Variants in PCDHGC5 observed in about 807,000 individuals in gnomAD.
PCDHGC5 encodes protocadherin gamma-C5.
Under a neutral mutation model 59.0 loss-of-function variants are expected in PCDHGC5, and 25 were observed. The ratio of observed to expected loss-of-function variants is 0.42; its 90% CI spans 0.31 to 0.59. The LOEUF (loss-of-function observed/expected upper bound fraction) is 0.59. Among genes scored for constraint, PCDHGC5 ranks in the 20% least tolerant of loss-of-function variants. PCDHGC5 has a pLI of 0.13. For synonymous variants in PCDHGC5, 434 were observed against 505.5 expected, an observed-to-expected ratio of 0.86 and a Z score of 1.90; for missense variants, 1,067 against 1,206.4, an observed-to-expected ratio of 0.88 and a Z score of 1.71.
intron 2 of PCDHGC5, among the ~76,000 whole-genome samples, chr5:141,497,553 T>G (rs2099777684): frequency 6.6e-6 from 1 of 151,326 alleles, no homozygotes; most frequent in Non-Finnish European, 1.5e-5. Flanking sequence ...TTTTTTTTTT[T>G]TTTTTAGACA....
intron 2 of PCDHGC5, among the ~76,000 whole-genome samples, chr5:141,497,905 C>T (rs1052659134): frequency 6.6e-6 from 1 of 152,178 alleles, no homozygotes; most frequent in Non-Finnish European, 1.5e-5. Context: ...GTAACTTCAA[C>T]TTCTCTCCTT....
intron 2 of PCDHGC5, among the ~76,000 whole-genome samples, chr5:141,504,579 G>T (rs994771989): frequency 2.0e-5 from 3 of 149,174 alleles, no homozygotes; most frequent in Non-Finnish European, 4.4e-5. Context: ...AACACCATCT[G>T]CCCAGGATTC....
chr5:141,489,793 C>G lies in PCDHGC5; in HGVS notation c.553C>G (p.Leu185Val). The change falls in exon 1 of 4, where the codon CTA (leucine) becomes GTA (valine). Residue 185 changes from leucine to valine, a missense_variant. Physicochemically the swap from Leu to Val is conservative, Grantham distance 32 (BLOSUM62 1). Transcript: ENST00000252087. This position sits in a 1 kb window ranked among gnomAD's most constrained non-coding sequence, Gnocchi z 4.5. ...CCACTTCTCTCTGAATGTGAAGACC[C>G]TAAAAGATGGGAAGCCATTCCCAGA... ...NSHFSLNVKT[L>V]KDGKPFPELV... 1 of 1,614,160 alleles carries G rather than the reference C, an allele frequency of 6.2e-7. No individual in the cohort carries two copies. The highest frequency in any genetic ancestry group is 1.1e-5 in the South Asian group (1 of 91,078).
rs1458508114 is a variant in PCDHGC5, at chr5:141,489,523, C to T, written c.283C>T (p.Leu95=). ...AVNQKIDRES[L]CGASTSCLLP... is the part of the protein sequence containing the mutation. ...GAATCAAAAGATTGACCGAGAAAGC[C>T]TATGTGGAGCCAGCACCAGCTGCCT... Residue 95 remains leucine (L), a synonymous_variant, in exon 1 of 4, where the codon CTA becomes TTA. Transcript: ENST00000252087. This position sits in a 1 kb window ranked among gnomAD's most constrained non-coding sequence, Gnocchi z 4.5. The T allele has an allele frequency of 3.5e-5, 56 of 1,614,006 alleles. No homozygotes were observed. The highest frequency in any genetic ancestry group is 4.5e-5 in the Non-Finnish European group (53 of 1,180,044).
At chr5:141,506,962 G>A (rs2099857578) in intron 3 of PCDHGC5, 1 of 152,196 alleles carries the variant, frequency 6.6e-6, no homozygotes, top group Non-Finnish European at 1.5e-5. Context: ...CCTCTCAATA[G>A]CTCTGCAAGG....
rs138542775 is a variant in PCDHGC5, at chr5:141,491,313, C to T, written c.2073C>T (p.Thr691=). The part of the protein sequence containing the change: ...LIHPPERSDL[T]LYLIVALATV... ...ACCCTCCTGAGCGTTCAGACCTTAC[C>T]CTTTACCTCATTGTGGCTCTAGCGA... Residue 691 remains threonine, a synonymous_variant, in exon 1 of 4, where the codon ACC becomes ACT. Transcript: ENST00000252087. This position sits in a 1 kb window ranked among gnomAD's most constrained non-coding sequence, Gnocchi z 6.9. 405 of 1,614,154 alleles carry T rather than the reference C, an allele frequency of 2.5e-4. 2 individuals are homozygous for T. In the African/African-American group the frequency reaches 4.5e-3, roughly 18 times the overall value.
rs771608897 is a variant in PCDHGC5, at chr5:141,490,857, C to T, written c.1617C>T (p.Ser539=). 58 of 1,613,714 alleles carry T rather than the reference C, an allele frequency of 3.6e-5. 1 individual carries two copies. The highest frequency in any genetic ancestry group is 1.8e-4 in the Admixed American group (11 of 59,992). Reference sequence around the variant, plus strand: ...AGATTGTGGTGGGGGTTCGAGACTCCGGCTCTCCCCCATTGCATGCCAACA... The same window carrying T: ...AGATTGTGGTGGGGGTTCGAGACTCTGGCTCTCCCCCATTGCATGCCAACA... ...MLQIVVGVRD[S]GSPPLHANTS... is the part of the protein sequence containing the mutation. Residue 539 remains serine (S), a synonymous_variant, in exon 1 of 4, where the codon TCC becomes TCT. Transcript: ENST00000252087. The surrounding 1 kb of genome is among the most constrained non-coding windows in gnomAD (Gnocchi z 5.4).
At position 141,490,148 on chromosome 5, in the gene PCDHGC5, A is replaced by G. The variant is rs2154582223; in HGVS notation, c.908A>G (p.His303Arg). The G allele has an allele frequency of 1.2e-6, 2 of 1,614,232 alleles. No homozygotes were observed. The highest frequency in any genetic ancestry group is 4.5e-5 in the East Asian group (2 of 44,888). The change falls in exon 1 of 4, where the codon CAT becomes CGT. Residue 303 changes from histidine to arginine, a missense_variant. Coordinates refer to ENST00000252087, the MANE Select transcript of PCDHGC5 (RefSeq NM_018929.3). The surrounding 1 kb of genome is among the most constrained non-coding windows in gnomAD (Gnocchi z 5.4). The stretch of plus-strand genomic sequence containing the variant: ...CTAGACCCTAGCAGTGGGGCAATCC[A>G]TGTGTTGGGTCCCATAGACTTTGAG... ...FGLDPSSGAI[H>R]VLGPIDFEES...
At chr5:141,499,323 GCTCT>G (rs1259902316) in intron 2 of PCDHGC5, among the ~76,000 whole-genome samples, 1 of 152,046 alleles carries the variant, frequency 6.6e-6, no homozygotes, top group East Asian at 1.9e-4. Context: ...CAGTATCCCT[GCTCT>G]CTCTCAGTTT....
intron 1 of PCDHGC5, chr5:141,492,036 T>A: frequency 1.9e-6 from 1 of 536,866 alleles, no homozygotes; most frequent in Non-Finnish European, 3.2e-6. Flanking sequence ...GAGGAGGCAG[T>A]CACAGATCCA....
In PCDHGC5 at chr5:141,489,423, C is replaced by A. The variant is rs754178145; in HGVS notation, c.183C>A (p.Ser61Arg). 7.4e-6 allele frequency: 12 copies of A among 1,613,982 alleles called. No homozygotes were observed. Among genetic ancestry groups the A allele is most frequent in the Non-Finnish European group, 1.0e-5 (12 of 1,180,044 alleles). Residue 61 changes from serine to arginine, a missense_variant, in exon 1 of 4, where the codon AGC becomes AGA. Physicochemically the swap from Ser to Arg is moderately radical, Grantham distance 110. Transcript: ENST00000252087. The surrounding 1 kb of genome is among the most constrained non-coding windows in gnomAD (Gnocchi z 4.5). Reference sequence around the variant, plus strand: ...GCTTAAAGATGACAGATCTGTTGAGCCGGCGGCTGCAATTGGGCTCTGAGG... The same window carrying A: ...GCTTAAAGATGACAGATCTGTTGAGACGGCGGCTGCAATTGGGCTCTGAGG... ...DLGLKMTDLL[S>R]RRLQLGSEEN...
In PCDHGC5 at chr5:141,511,286, G is replaced by A. The variant is rs1231704933; in HGVS notation, c.*113G>A. On this transcript the variant is annotated 3_prime_UTR_variant, in exon 4 of 4. Coordinates refer to ENST00000252087, the MANE Select transcript of PCDHGC5 (RefSeq NM_018929.3). The stretch of plus-strand genomic sequence containing the variant: ...GGCTAACCCCCAGAATACTGGTAGG[G>A]GCCAAGGCCATGCTCCCCTTGGGAA... 2 of 1,520,242 alleles carry A rather than the reference G, an allele frequency of 1.3e-6. No individual in the cohort carries two copies. The allele number at this position is 1,520,242 out of a possible 1,614,324, so 94.2% of individuals were successfully genotyped here.
rs951964805 is a variant in PCDHGC5, at chr5:141,512,109, C to A, written c.*936C>A. The A allele has an allele frequency of 1.0e-4, 16 of 152,656 alleles. No individual in the cohort carries two copies. The highest frequency in any genetic ancestry group is 1.5e-5 in the Non-Finnish European group (1 of 68,058). 9.5% of individuals were successfully genotyped at this position (152,656 alleles called of 1,614,324 possible). Reference sequence around the variant, plus strand: ...ACCAATAACTAGGCTGGACCCTTCCCACTACATAATAGGGCTCAGCCCAGG... The same window carrying A: ...ACCAATAACTAGGCTGGACCCTTCCAACTACATAATAGGGCTCAGCCCAGG... On this transcript the variant is annotated 3_prime_UTR_variant, in exon 4 of 4. Coordinates refer to ENST00000252087, the MANE Select transcript of PCDHGC5 (RefSeq NM_018929.3).
At position 141,489,380 on chromosome 5, in the gene PCDHGC5, A is replaced by G. The variant is rs753226956; in HGVS notation, c.140A>G (p.Asn47Ser). The part of the protein sequence containing the change: ...EESEPGTLVG[N>S]VAQDLGLKMT... ...TCTGAGCCGGGGACGCTGGTGGGGA[A>G]TGTTGCTCAGGATCTGGGCTTAAAG... is the stretch of plus-strand genomic sequence containing the variant. Residue 47 changes from asparagine to serine, a missense_variant, in exon 1 of 4, where the codon AAT (asparagine) becomes AGT (serine). By Grantham distance (46) the Asn-to-Ser change is conservative (BLOSUM62 1). Transcript: ENST00000252087. The surrounding 1 kb of genome is among the most constrained non-coding windows in gnomAD (Gnocchi z 4.5). The G allele has an allele frequency of 1.9e-6, 3 of 1,613,874 alleles. No individual in the cohort carries two copies. Among genetic ancestry groups the G allele is most frequent in the Admixed American group, 1.7e-5 (1 of 60,026 alleles).
Position 141,489,092 on chromosome 5 carries a change from A to AATT in PCDHGC5, c.-148_-147insTTA. 2.9e-6 allele frequency: 1 copy of AATT among 348,332 alleles called. No individual in the cohort carries two copies. Among genetic ancestry groups the AATT allele is most frequent in the Non-Finnish European group, 4.7e-6 (1 of 214,538 alleles). 21.6% of individuals were successfully genotyped at this position (348,332 alleles called of 1,614,324 possible). A position where few individuals can be genotyped will look rare whatever the true frequency, so the allele number is the denominator to read the frequency against. On this transcript the variant is annotated 5_prime_UTR_variant, in exon 1 of 4. Transcript: ENST00000252087. This position sits in a 1 kb window ranked among gnomAD's most constrained non-coding sequence, Gnocchi z 4.5. Reference sequence around the variant, plus strand: ...TGCCCACCCCCGCCACTCGGTGACTAAGAACTGCTGCAAGCAGGCAAACCT... The same window carrying AATT: ...TGCCCACCCCCGCCACTCGGTGACTAATTAGAACTGCTGCAAGCAGGCAAACCT...
rs773624580 is a variant in PCDHGC5 at position 141,489,715 on chromosome 5, G to A, written c.475G>A (p.Asp159Asn). Residue 159 changes from aspartate (D) to asparagine (N), a missense_variant, in exon 1 of 4, where the codon GAT (aspartate) becomes AAT (asparagine). Transcript: ENST00000252087. The surrounding 1 kb of genome is among the most constrained non-coding windows in gnomAD (Gnocchi z 4.5). ...GARFPLDSAQ[D>N]PDVGTNTVSF... ...ACGATTCCCACTGGACAGTGCCCAG[G>A]ATCCGGATGTGGGCACCAATACTGT... The A allele has an allele frequency of 6.2e-6, 10 of 1,614,004 alleles. No homozygotes were observed. The highest frequency in any genetic ancestry group is 2.2e-5 in the East Asian group (1 of 44,886).
intron 1 of PCDHGC5, among the ~76,000 whole-genome samples, chr5:141,494,188 T>G (rs2099752632): frequency 6.6e-6 from 1 of 152,186 alleles, no homozygotes; most frequent in Non-Finnish European, 1.5e-5. Flanking sequence ...GTCCCGGGAC[T>G]TGGATGCCCC....
At chr5:141,497,272 T>G (rs568198729) in intron 2 of PCDHGC5, among the ~76,000 whole-genome samples, 20 of 152,254 alleles carry the variant, frequency 1.3e-4, no homozygotes, top group African/African-American at 4.3e-4. Flanking sequence ...CTAGGCCATT[T>G]ATGTTCCCTC....
rs2099710738 is a variant in PCDHGC5, at chr5:141,491,331, T to C, written c.2091T>C (p.Ala697=). 6.2e-7 allele frequency: 1 copy of C among 1,614,170 alleles called. No homozygotes were observed. The highest frequency in any genetic ancestry group is 8.5e-7 in the Non-Finnish European group (1 of 1,180,018). Residue 697 remains alanine, a synonymous_variant, in exon 1 of 4, where the codon GCT becomes GCC. Coordinates refer to ENST00000252087, the MANE Select transcript of PCDHGC5 (RefSeq NM_018929.3). The surrounding 1 kb of genome is among the most constrained non-coding windows in gnomAD (Gnocchi z 6.9). ...ACCTTACCCTTTACCTCATTGTGGC[T>C]CTAGCGACCGTCAGTCTCTTATCCC... The part of the protein sequence containing the change: ...RSDLTLYLIV[A]LATVSLLSLV...
Sources: gnomAD v4.1 joint callset for allele counts (sites outside exome capture counted in the v4.1 genomes callset) on GRCh38, gnomAD v4.1.1 for gene constraint, Gnocchi (gnomAD v3.1) non-coding constraint, MANE v1.5 for transcripts, NCBI Gene and HGNC (gene_info 2026-07-23, HGNC 2026-07-21) for gene names.